Variants in NUTM2E observed in about 807,000 individuals in gnomAD.
The protein encoded by NUTM2E is family with sequence similarity 22, member E.
A neutral mutation model predicts 26.1 loss-of-function variants in NUTM2E; 3 were observed. The observed-to-expected ratio is 0.12, with a 90% CI of 0.05 to 0.30. The LOEUF (loss-of-function observed/expected upper bound fraction) is 0.30. Among genes scored for constraint, NUTM2E ranks in the 10% least tolerant of loss-of-function variants. The probability of loss-of-function intolerance (pLI) is 1.00; values close to 1 mark genes in which losing one functional copy is unlikely to be tolerated. For missense variants in NUTM2E, 62 were observed against 381.3 expected (o/e 0.16, Z 6.97); for synonymous variants, 13 against 157.5 (o/e 0.08, Z 6.87).
chr10:79,827,797 T>G (rs1163987488), intron 1 of NUTM2E, among the ~76,000 whole-genome samples: 153 of 2,292 alleles, frequency 0.067, 1 homozygote, highest in Non-Finnish European at 0.085. Flanking sequence ...TTTTTTTTGT[T>G]TTTTTTTTTT....
intron 5 of NUTM2E, among the ~76,000 whole-genome samples, chr10:79,845,514 C>T (rs1203614785): frequency 9.3e-6 from 1 of 107,958 alleles, no homozygotes; most frequent in Non-Finnish European, 2.4e-5. Flanking sequence ...CAGTGCCTGG[C>T]ACATGCTATG....
intron 5 of NUTM2E, among the ~76,000 whole-genome samples, chr10:79,845,393 G>A (rs551224498): frequency 2.2e-4 from 25 of 113,024 alleles, no homozygotes; most frequent in South Asian, 1.2e-3. Flanking sequence ...GGCCGATGCC[G>A]GGCAGGTATT....
chr10:79,831,194 A>G (rs1349169465), intron 1 of NUTM2E, among the ~76,000 whole-genome samples: 1 of 151,854 alleles, frequency 6.6e-6, no homozygotes, highest in Non-Finnish European at 1.5e-5. Flanking sequence ...ACCCAGAGCT[A>G]ATGAGTGCCA....
intron 1 of NUTM2E, among the ~76,000 whole-genome samples, chr10:79,833,223 A>G (rs1841937758): frequency 6.6e-6 from 1 of 151,896 alleles, no homozygotes; most frequent in South Asian, 2.1e-4. Flanking sequence ...GCTTGGCAAG[A>G]TTTAAAGCGT....
intron 1 of NUTM2E, among the ~76,000 whole-genome samples, chr10:79,834,315 C>T (rs1294317825): frequency 6.6e-6 from 1 of 151,666 alleles, no homozygotes; most frequent in East Asian, 1.9e-4. Flanking sequence ...TGTAACAAGC[C>T]TGCATCTTCT....
rs1171298285 is a variant in NUTM2E, at chr10:79,838,919, C to T, written c.-2310C>T. 1.3e-5 allele frequency among the ~76,000 whole-genome samples: 2 copies of T among 149,182 alleles called. No homozygotes were observed. Among genetic ancestry groups the T allele is most frequent in the Non-Finnish European group, 3.0e-5 (2 of 66,904 alleles). Reference sequence around the variant, plus strand: ...GGCGGCCGGCCTCGCGCTGGAACCTCGCCCGCCTCAAGGCTCCTGCGGCGG... The same window carrying T: ...GGCGGCCGGCCTCGCGCTGGAACCTTGCCCGCCTCAAGGCTCCTGCGGCGG... On this transcript the variant is annotated 5_prime_UTR_variant, in exon 3 of 10. Coordinates refer to ENST00000429984, the MANE Select transcript of NUTM2E (RefSeq NM_001355263.2).
intron 1 of NUTM2E, among the ~76,000 whole-genome samples, chr10:79,829,804 G>A (rs939392388): frequency 2.6e-5 from 4 of 151,574 alleles, no homozygotes; most frequent in Non-Finnish European, 5.9e-5. Context: ...AAAAAATGTT[G>A]TGAAGCACCA....
intron 1 of NUTM2E, among the ~76,000 whole-genome samples, chr10:79,835,286 T>G (rs1430702315): frequency 6.6e-6 from 1 of 151,314 alleles, no homozygotes; most frequent in Non-Finnish European, 1.5e-5. Context: ...TCTAGTCTCC[T>G]CAATTATAAA....
intron 1 of NUTM2E, among the ~76,000 whole-genome samples, chr10:79,830,205 T>C (rs1841917616): frequency 6.6e-6 from 1 of 151,582 alleles, no homozygotes; most frequent in South Asian, 2.1e-4. Flanking sequence ...AGCTGTGATA[T>C]AGTAAATTAA....
At position 79,826,867 on chromosome 10, in the gene NUTM2E, G is replaced by C. The variant is rs1299282881; in HGVS notation, c.-3218G>C. The C allele has an allele frequency of 2.0e-5, 3 of 151,284 alleles. No homozygotes were observed. The highest frequency in any genetic ancestry group is 4.4e-5 in the Non-Finnish European group (3 of 67,722). The allele number at this position is 151,284 out of a possible 1,614,324, so 9.4% of individuals were successfully genotyped here. A position where few individuals can be genotyped will look rare whatever the true frequency, so the allele number is the denominator to read the frequency against. ...AGAGCCCGTCGGGAGTCGTAGTCCC[G>C]GACGGGCCCGCGGCATCGTCCGCGA... is the stretch of plus-strand genomic sequence containing the variant. On this transcript the variant is annotated 5_prime_UTR_variant, in exon 1 of 10. Transcript: ENST00000429984.
At chr10:79,832,367 G>A (rs544899399) in intron 1 of NUTM2E, among the ~76,000 whole-genome samples, 21 of 151,728 alleles carry the variant, frequency 1.4e-4, no homozygotes, top group Admixed American at 3.3e-4. Flanking sequence ...TAGAAGCAGC[G>A]GATTGAGAAT....
intron 5 of NUTM2E, among the ~76,000 whole-genome samples, chr10:79,845,083 C>G (rs1415631135): frequency 2.1e-4 from 24 of 113,726 alleles, no homozygotes. Context: ...CCGTCACTGT[C>G]CCGTGAGTCC....
chr10:79,849,102 G>A lies in NUTM2E; in HGVS notation c.1734+207G>A, dbSNP rs1840182787. On this transcript the variant is annotated intron_variant, in intron 8 of 9. Transcript: ENST00000429984. ...TGTGTGTCTGTGTAGGTGTGAGTGTGGAGTGTGTACGTTACCTGTGTCTGT... is the reference window on the plus strand; with the variant it reads ...TGTGTGTCTGTGTAGGTGTGAGTGTAGAGTGTGTACGTTACCTGTGTCTGT... 1.9e-5 allele frequency among the ~76,000 whole-genome samples: 2 copies of A among 106,676 alleles called. 1 individual carries two copies. Among genetic ancestry groups the A allele is most frequent in the Non-Finnish European group, 4.8e-5 (2 of 42,100 alleles). The allele number at this position is 106,676 out of a possible 152,430, so 70.0% of individuals were successfully genotyped here. A position where few individuals can be genotyped will look rare whatever the true frequency, so the allele number is the denominator to read the frequency against.
intron 1 of NUTM2E, among the ~76,000 whole-genome samples, chr10:79,837,620 A>C (rs534652292): frequency 1.8e-4 from 27 of 152,144 alleles, no homozygotes; most frequent in African/African-American, 6.3e-4. Flanking sequence ...CAAAGAAAAT[A>C]AACAACAACA....
rs1287219503 is a variant in NUTM2E, at chr10:79,839,060, C to T, written c.-2169C>T. Among the ~76,000 whole-genome samples the T allele has an allele frequency of 2.0e-5, 3 of 151,074 alleles. No individual in the cohort carries two copies. Among genetic ancestry groups the T allele is most frequent in the Non-Finnish European group, 3.0e-5 (2 of 67,652 alleles). On this transcript the variant is annotated 5_prime_UTR_variant, in exon 3 of 10. Transcript: ENST00000429984. ...AGACAACGCCCCCTCATTGGAACCT[C>T]CATGACCGTGCCTCTGAGAAACCAG...
At chr10:79,834,862 A>C (rs1179193218) in intron 1 of NUTM2E, among the ~76,000 whole-genome samples, 1 of 151,336 alleles carries the variant, frequency 6.6e-6, no homozygotes, top group Non-Finnish European at 1.5e-5. Context: ...AAACTAAAGA[A>C]CTTTTTCTGT....
Position 79,827,018 on chromosome 10 carries a change from T to TCGCCTCGCCC in NUTM2E, c.-3062_-3061insCGCCCCGCCT, listed in dbSNP as rs1841887299. 7.1e-6 allele frequency: 1 copy of TCGCCTCGCCC among 141,546 alleles called. No individual in the cohort carries two copies. The highest frequency in any genetic ancestry group is 2.6e-5 in the African/African-American group (1 of 38,300). 8.8% of individuals were successfully genotyped at this position (141,546 alleles called of 1,614,324 possible). ...GCACCCTCGCTCACGTCGCCTCGCC[T>TCGCCTCGCCC]CGCCTGACCGGCCGCAGCCTTGGAT... On this transcript the variant is annotated 5_prime_UTR_variant, in exon 1 of 10. Coordinates refer to ENST00000429984, the MANE Select transcript of NUTM2E (RefSeq NM_001355263.2).
chr10:79,829,593 A>G (rs1460612305), intron 1 of NUTM2E, among the ~76,000 whole-genome samples: 1 of 151,966 alleles, frequency 6.6e-6, no homozygotes, highest in East Asian at 1.9e-4. Context: ...TCTATGACTC[A>G]ATATTTCTTC....
intron 1 of NUTM2E, among the ~76,000 whole-genome samples, chr10:79,831,114 A>G (rs1454170641): frequency 6.6e-6 from 1 of 151,756 alleles, no homozygotes; most frequent in Non-Finnish European, 1.5e-5. Flanking sequence ...AGTGCATTTA[A>G]ACTCAATCAC....
Sources: allele counts gnomAD v4.1 joint callset (sites outside exome capture counted in the v4.1 genomes callset), GRCh38; gene constraint gnomAD v4.1.1; transcripts MANE v1.5; gene names NCBI Gene and HGNC (gene_info 2026-07-23, HGNC 2026-07-21).